Variants in TLE2 observed in about 807,000 individuals in gnomAD.
TLE2 encodes transducin-like enhancer protein 2.
TLE2 carries 74 observed loss-of-function variants against 97.2 expected under a neutral mutation model. The observed-to-expected ratio is 0.76, with a 90% CI of 0.63 to 0.92. The LOEUF is 0.92. Ranked by LOEUF, TLE2 falls within the 40% of genes least tolerant of loss-of-function variation. The probability of loss-of-function intolerance (pLI) is 0.00; values close to 1 mark genes in which losing one functional copy is unlikely to be tolerated. For missense variants in TLE2, 1,038 were observed against 1,008.7 expected (o/e 1.03, Z -0.39); for synonymous variants, 499 against 432.1 (o/e 1.15, Z -1.92).
intron 1 of TLE2, among the ~76,000 whole-genome samples, chr19:3,037,002 G>C (rs934659324): frequency 6.6e-6 from 1 of 152,146 alleles, no homozygotes; most frequent in Non-Finnish European, 1.5e-5. Context: ...ATAGATGTTG[G>C]GGCAGGGCGT....
upstream of TLE2, among the ~76,000 whole-genome samples, chr19:3,030,163 C>G (rs946229818): frequency 1.3e-5 from 2 of 152,170 alleles, no homozygotes; most frequent in Non-Finnish European, 2.9e-5. Flanking sequence ...GAGCAAACTT[C>G]CACAGATGGG....
In TLE2 at chr19:3,024,591, C is replaced by T. The variant is rs542069577; in HGVS notation, c.294+429G>A. On this transcript the variant is annotated intron_variant, in intron 5 of 19. Transcript: ENST00000262953. Reference sequence around the variant, plus strand: ...CTAGCAAGACGGTAGGGTTAACTTTCATCAGGTGCTGAGTAAGCGTACCCA... The same window carrying T: ...CTAGCAAGACGGTAGGGTTAACTTTTATCAGGTGCTGAGTAAGCGTACCCA... Among the ~76,000 whole-genome samples the T allele has an allele frequency of 6.4e-4, 98 of 152,234 alleles. 1 individual carries two copies. The highest frequency in any genetic ancestry group is 1.1e-3 in the Non-Finnish European group (77 of 68,014).
At position 3,036,647 on chromosome 19, in the gene TLE2, A is replaced by C. The variant is rs963081705; in HGVS notation, c.64-7844T>G. On this transcript the variant is annotated intron_variant, in intron 1 of 18. Coordinates refer to the TLE2 transcript ENST00000426948. ...AAAAATCACACACACATTTCCTTCC[A>C]CCCAGGAACATGAGGAGCCATCTCC... 7.9e-5 allele frequency among the ~76,000 whole-genome samples: 12 copies of C among 152,254 alleles called. No individual in the cohort carries two copies. In the South Asian group the frequency reaches 1.5e-3, roughly 18 times the overall value.
chr19:3,000,069 T>C (rs1216386918), intron 19 of TLE2, among the ~76,000 whole-genome samples: 1 of 151,102 alleles, frequency 6.6e-6, no homozygotes, highest in Non-Finnish European at 1.5e-5. Flanking sequence ...TGGCAAATTT[T>C]ATTTTTATTT....
chr19:3,036,525 G>T (rs1200130886), intron 1 of TLE2, among the ~76,000 whole-genome samples: 2 of 152,208 alleles, frequency 1.3e-5, no homozygotes, highest in Non-Finnish European at 2.9e-5. Context: ...CCGAACTGCC[G>T]GGCCACCAGC....
intron 1 of TLE2, among the ~76,000 whole-genome samples, chr19:3,037,643 C>A (rs187089939): frequency 1.2e-3 from 175 of 152,142 alleles, no homozygotes; most frequent in Non-Finnish European, 1.9e-3. Context: ...TGGTAGGAGG[C>A]ACTAGGATTG....
chr19:3,006,788 T>C (rs931949677), intron 14 of TLE2, 119 bp from the exon 15 acceptor site: 17 of 1,418,028 alleles, frequency 1.2e-5, no homozygotes, highest in Non-Finnish European at 1.2e-5. Flanking sequence ...TTTTATTTTT[T>C]GTTTTGTTTT....
At chr19:3,028,469 C>T (rs1036066879) in intron 2 of TLE2, 87 bp from the exon 3 acceptor site, 5 of 1,373,172 alleles carry the variant, frequency 3.6e-6, no homozygotes, top group African/African-American at 2.9e-5. Context: ...CCCCTCCCGA[C>T]TTCCTTACAG....
chr19:3,027,791 C>T, intron 4 of TLE2, 38 bp downstream of exon 4: 16 of 1,602,020 alleles, frequency 1.0e-5, no homozygotes, highest in Non-Finnish European at 1.4e-5. Flanking sequence ...CAGACCCCCA[C>T]CCTCCCTCCT....
chr19:3,011,043 C>T lies in TLE2; in HGVS notation c.991G>A (p.Ala331Thr), dbSNP rs1212932823. ...SHLCQLAAKP[A>T]PSTDSVALRS... is the part of the protein sequence containing the mutation. Reference sequence around the variant, plus strand: ...TCACCGACGCTGTCCGTGGAAGGTGCTGGCTTGGCAGCAAGCTGGCAGAGG... The same window carrying T: ...TCACCGACGCTGTCCGTGGAAGGTGTTGGCTTGGCAGCAAGCTGGCAGAGG... Residue 331 changes from alanine (A) to threonine (T), a missense_variant, in exon 12 of 20, where the codon GCA (alanine) becomes ACA (threonine). Physicochemically the swap from Ala to Thr is moderately conservative, Grantham distance 58. Transcript: ENST00000262953. The T allele has an allele frequency of 7.5e-6, 12 of 1,606,634 alleles. No homozygotes were observed. The Admixed American group carries it at 2.0e-4, about 27-fold the overall frequency.
chr19:3,003,409 G>A (rs955062940), intron 17 of TLE2, among the ~76,000 whole-genome samples: 11 of 152,084 alleles, frequency 7.2e-5, no homozygotes, highest in Admixed American at 2.6e-4. Flanking sequence ...AGGCCGAGGC[G>A]GGCGGATCAT....
chr19:3,010,202 A>G (rs900119633), intron 12 of TLE2, among the ~76,000 whole-genome samples: 3 of 151,868 alleles, frequency 2.0e-5, no homozygotes, highest in Non-Finnish European at 4.4e-5. Flanking sequence ...GGTCTCTACT[A>G]AAAATACAAA....
At chr19:3,006,287 T>TCCGCCCCTCACCTATAAGCC (rs2089475381) in intron 15 of TLE2, 133 bp downstream of exon 15, 4 of 1,389,950 alleles carry the variant, frequency 2.9e-6, no homozygotes, top group Non-Finnish European at 3.9e-6. Flanking sequence ...GACTACGAGC[T>TCCGCCCCTCACCTATAAGCC]CCGCCCCTCA....
intron 17 of TLE2, among the ~76,000 whole-genome samples, chr19:3,004,205 G>A (rs749382445): frequency 2.6e-5 from 4 of 152,140 alleles, no homozygotes; most frequent in South Asian, 4.1e-4. Flanking sequence ...GTGTAAAGAC[G>A]CATTGGGGGA....
Position 2,997,645 on chromosome 19 carries a change from G to GTGAT in TLE2, c.*199_*202dup. 2 of 574,448 alleles carry GTGAT rather than the reference G, an allele frequency of 3.5e-6. No individual in the cohort carries two copies. The highest frequency in any genetic ancestry group is 6.3e-6 in the Non-Finnish European group (2 of 319,594). 35.6% of individuals were successfully genotyped at this position (574,448 alleles called of 1,614,324 possible). On this transcript the variant is annotated 3_prime_UTR_variant, in exon 20 of 20. Transcript: ENST00000262953. Reference sequence around the variant, plus strand: ...CCCAGCCCGAGAGAGAAGTGCGGATGTGATAGATACATTTTATTTCCACCG... The same window carrying GTGAT: ...CCCAGCCCGAGAGAGAAGTGCGGATGTGATTGATAGATACATTTTATTTCCACCG...
At chr19:3,028,573 G>A (rs1430000589) in intron 2 of TLE2, 133 bp downstream of exon 2, 15 of 1,120,106 alleles carry the variant, frequency 1.3e-5, no homozygotes, top group Non-Finnish European at 1.9e-5. Flanking sequence ...CTGCACCTGC[G>A]CTTCCACCTG....
At chr19:2,999,663 C>T (rs1454992871) in intron 19 of TLE2, among the ~76,000 whole-genome samples, 20 of 148,484 alleles carry the variant, frequency 1.3e-4, no homozygotes, top group African/African-American at 4.0e-4. Context: ...GGAGGCAGAG[C>T]TTGCAGTAAG....
At position 3,021,091 on chromosome 19, in the gene TLE2, A is replaced by AC. The variant is rs1255510935; in HGVS notation, c.295-1319_295-1318insG. Among the ~76,000 whole-genome samples, 404 of 59,092 alleles carry AC rather than the reference A, an allele frequency of 6.8e-3. 14 individuals are homozygous for AC. The highest frequency in any genetic ancestry group is 0.011 in the African/African-American group (124 of 11,558). 38.8% of individuals were successfully genotyped at this position (59,092 alleles called of 152,430 possible). ...GAGACAGAGTGAGACCCAGTCTCAA[A>AC]AAAAAAAAAAAAAAAAAAAAAAAGG... On this transcript the variant is annotated intron_variant, in intron 5 of 19. Coordinates refer to ENST00000262953, the MANE Select transcript of TLE2 (RefSeq NM_003260.5).
chr19:3,011,051 G>A lies in TLE2; in HGVS notation c.983C>T (p.Ala328Val), dbSNP rs547495281. 4 of 1,606,626 alleles carry A rather than the reference G, an allele frequency of 2.5e-6. No individual in the cohort carries two copies. Among genetic ancestry groups the A allele is most frequent in the Non-Finnish European group, 3.4e-6 (4 of 1,177,784 alleles). The change falls in exon 12 of 20, where the codon GCC (alanine) becomes GTC (valine). Residue 328 changes from alanine (A) to valine (V), a missense_variant. Ala to Val is a moderately conservative substitution (Grantham distance 64, BLOSUM62 0). Transcript: ENST00000262953. ...SSASHLCQLA[A>V]KPAPSTDSVA... is the part of the protein sequence containing the mutation. ...GCTGTCCGTGGAAGGTGCTGGCTTG[G>A]CAGCAAGCTGGCAGAGGTGACTGGC...
Sources: allele counts gnomAD v4.1 joint callset (sites outside exome capture counted in the v4.1 genomes callset), GRCh38; gene constraint gnomAD v4.1.1; transcripts MANE v1.5; gene names NCBI Gene and HGNC (gene_info 2026-07-23, HGNC 2026-07-21).